Variants in TYK2 observed in about 807,000 individuals in gnomAD.
TYK2 encodes tyrosine kinase 2, also known as non-receptor tyrosine-protein kinase TYK2.
In TYK2, 65 loss-of-function variants were observed where a neutral mutation model predicts 130.9. The observed-to-expected ratio is 0.50, with a 90% CI of 0.41 to 0.61. The LOEUF is 0.61. Among genes scored for constraint, TYK2 ranks in the 20% least tolerant of loss-of-function variants. The probability of loss-of-function intolerance (pLI) is 0.00; values close to 1 mark genes in which losing one functional copy is unlikely to be tolerated. For missense variants in TYK2, 1,378 were observed against 1,610.7 expected (o/e 0.86, Z 2.47); for synonymous variants, 647 against 658.9 (o/e 0.98, Z 0.28).
intron 2 of TYK2, 115 bp from the exon 3 acceptor site, chr19:10,378,541 T>C: frequency 3.6e-6 from 3 of 828,170 alleles, no homozygotes; most frequent in African/African-American, 1.7e-5. Flanking sequence ...GGCTCCCATC[T>C]TGGCATGACA....
intron 7 of TYK2, 55 bp downstream of exon 7, chr19:10,365,462 G>A (rs948853037): frequency 5.6e-6 from 9 of 1,607,634 alleles, no homozygotes; most frequent in Non-Finnish European, 5.9e-6. Context: ...GATGAACACA[G>A]AAACCCACCC....
In TYK2 at chr19:10,353,676, G is replaced by A. The variant is rs2040931246; in HGVS notation, c.2909-30C>T. ...CGCGGAGAGGGGCGGCCCCGGTGGG[G>A]GACGATAGAGGGCGGGCCGGGGACC... On this transcript the variant is annotated intron_variant, in intron 20 of 24. Transcript: ENST00000525621. The surrounding 1 kb of genome is among the most constrained non-coding windows in gnomAD (Gnocchi z 6.9). 2 of 1,449,386 alleles carry A rather than the reference G, an allele frequency of 1.4e-6. No homozygotes were observed. Among genetic ancestry groups the A allele is most frequent in the Non-Finnish European group, 1.8e-6 (2 of 1,092,054 alleles). 89.8% of individuals were successfully genotyped at this position (1,449,386 alleles called of 1,614,324 possible).
rs1269000315 is a variant in TYK2, at chr19:10,359,221, C to T, written c.2129G>A (p.Trp710Ter). 6.2e-7 allele frequency: 1 copy of T among 1,609,108 alleles called. No individual in the cohort carries two copies. Among genetic ancestry groups the T allele is most frequent in the East Asian group, 2.2e-5 (1 of 44,880 alleles). ...CAGCTGCTGGGCCACCACCATCTTC[C>T]AAGCCATGGGCACATGGCCCCGCTC... Reference protein sequence around the residue: ...RRERGHVPMAWKMVVAQQLAS... With the variant: ...RRERGHVPMA Residue 710 changes from tryptophan to a stop codon, truncating the protein, a stop_gained, in exon 15 of 25, where the codon TGG (tryptophan) becomes TAG (stop). Coordinates refer to ENST00000525621, the MANE Select transcript of TYK2 (RefSeq NM_003331.5). LOFTEE classifies it high-confidence loss of function.
chr19:10,354,292 A>G (rs2040970774), intron 19 of TYK2, 58 bp from the exon 20 acceptor site: 2 of 1,580,712 alleles, frequency 1.3e-6, no homozygotes, highest in Non-Finnish European at 1.7e-6. Context: ...CCACTCCCCA[A>G]CCCCCGATTT....
rs2041151624 is a variant in TYK2 at position 10,357,360 on chromosome 19, G to T, written c.2466+404C>A. 4 of 626,004 alleles carry T rather than the reference G, an allele frequency of 6.4e-6. No individual in the cohort carries two copies. The Admixed American group carries it at 7.6e-5, about 12-fold the overall frequency. 38.8% of individuals were successfully genotyped at this position (626,004 alleles called of 1,614,324 possible). ...GCTGAGATCACGCCATTGCATTCCA[G>T]CCTGGGCAATTAGAGTGGAACTTCG... On this transcript the variant is annotated intron_variant, in intron 17 of 24. Transcript: ENST00000525621.
In TYK2 at chr19:10,360,791, C is replaced by T. The variant is rs532710505; in HGVS notation, c.2047+720G>A. Reference sequence around the variant, plus strand: ...TTTTTGAGACAGAGTCTCGCCCTGTCGCCCAGGCTGGAGTGCAGTGGTACA... The same window carrying T: ...TTTTTGAGACAGAGTCTCGCCCTGTTGCCCAGGCTGGAGTGCAGTGGTACA... On this transcript the variant is annotated intron_variant, in intron 14 of 24. Coordinates refer to ENST00000525621, the MANE Select transcript of TYK2 (RefSeq NM_003331.5). 9.9e-5 allele frequency among the ~76,000 whole-genome samples: 15 copies of T among 152,068 alleles called. No individual in the cohort carries two copies. In the East Asian group the frequency reaches 2.7e-3, roughly 27 times the overall value.
At position 10,364,150 on chromosome 19, in the gene TYK2, C is replaced by G. The variant is rs1179737378; in HGVS notation, c.1367+464G>C. Among the ~76,000 whole-genome samples, 2 of 152,224 alleles carry G rather than the reference C, an allele frequency of 1.3e-5. No homozygotes were observed. The highest frequency in any genetic ancestry group is 4.8e-5 in the African/African-American group (2 of 41,464). The stretch of plus-strand genomic sequence containing the variant: ...CATCCAACATACGCCTGAATGGTCA[C>G]CAGCGTCAGGGTAACACACAGTCCC... On this transcript the variant is annotated intron_variant, in intron 9 of 24. Coordinates refer to ENST00000525621, the MANE Select transcript of TYK2 (RefSeq NM_003331.5). The surrounding 1 kb of genome is among the most constrained non-coding windows in gnomAD (Gnocchi z 4.9).
At position 10,350,962 on chromosome 19, in the gene TYK2, G is replaced by A; in HGVS notation, c.3436C>T (p.His1146Tyr). 1 of 1,614,190 alleles carries A rather than the reference G, an allele frequency of 6.2e-7. No individual in the cohort carries two copies. Among genetic ancestry groups the A allele is most frequent in the Non-Finnish European group, 8.5e-7 (1 of 1,180,036 alleles). The change falls in exon 25 of 25, where the codon CAT becomes TAT. Residue 1146 changes from histidine (H) to tyrosine (Y), a missense_variant. Transcript: ENST00000525621. ...GTCTCCCAGCAGTTCTTCATGAGAT[G>A]ATAGACCTAGAAGGAAAAACCAGGG... is the stretch of plus-strand genomic sequence containing the variant. ...RPDKCPCEVY[H>Y]LMKNCWETEA...
chr19:10,354,083 T>C lies in TYK2; in HGVS notation c.2867A>G (p.His956Arg), dbSNP rs536463214. Reference sequence around the variant, plus strand: ...GCCCTTGTACTTGATGATGTGCTCGTGGTAGAGCGTGCGCAGAATGTCAAT... The same window carrying C: ...GCCCTTGTACTTGATGATGTGCTCGCGGTAGAGCGTGCGCAGAATGTCAAT... ...QEIDILRTLY[H>R]EHIIKYKGCC... is the part of the protein sequence containing the mutation. The change falls in exon 20 of 25, where the codon CAC (histidine) becomes CGC (arginine). Residue 956 changes from histidine (H) to arginine (R), a missense_variant. By Grantham distance (29) the His-to-Arg change is conservative. Coordinates refer to ENST00000525621, the MANE Select transcript of TYK2 (RefSeq NM_003331.5). 6.2e-7 allele frequency: 1 copy of C among 1,614,074 alleles called. No individual in the cohort carries two copies. Among genetic ancestry groups the C allele is most frequent in the African/African-American group, 1.3e-5 (1 of 75,046 alleles).
chr19:10,377,567 G>A (rs1599368312), intron 3 of TYK2, among the ~76,000 whole-genome samples: 1 of 116,196 alleles, frequency 8.6e-6, no homozygotes, highest in East Asian at 2.8e-4. Context: ...TGGATGGATG[G>A]GTGGGTGGGT....
rs12720298 is a variant in TYK2, at chr19:10,358,156, G to C, written c.2176-18C>G. 4.9e-3 allele frequency: 7,841 copies of C among 1,596,398 alleles called. 328 individuals carry two copies. The African/African-American group carries it at 0.091, about 19-fold the overall frequency. ...TTGTTCTCCTGAGGTGGGCAGGAGAGGGGGTGTGGCCACTCAGGAGAGGCA... is the reference window on the plus strand; with the variant it reads ...TTGTTCTCCTGAGGTGGGCAGGAGACGGGGTGTGGCCACTCAGGAGAGGCA... On this transcript the variant is annotated intron_variant, in intron 15 of 24. Coordinates refer to ENST00000525621, the MANE Select transcript of TYK2 (RefSeq NM_003331.5).
chr19:10,354,023 C>T lies in TYK2; in HGVS notation c.2908+19G>A. On this transcript the variant is annotated intron_variant, in intron 20 of 24. Transcript: ENST00000525621. ...ACCACGCCCCCTCAAGTCTCTAGGA[C>T]TCGCCGGGTCCCGCCCACCTTGGTC... 4 of 1,613,574 alleles carry T rather than the reference C, an allele frequency of 2.5e-6. No individual in the cohort carries two copies. The highest frequency in any genetic ancestry group is 3.4e-6 in the Non-Finnish European group (4 of 1,179,754).
Position 10,353,539 on chromosome 19 carries a change from G to T in TYK2, c.3016C>A (p.Gln1006Lys). 6.7e-7 allele frequency: 1 copy of T among 1,499,284 alleles called. No homozygotes were observed. The allele number at this position is 1,499,284 out of a possible 1,614,324, so 92.9% of individuals were successfully genotyped here. A position where few individuals can be genotyped will look rare whatever the true frequency, so the allele number is the denominator to read the frequency against. The change falls in exon 21 of 25, where the codon CAG becomes AAG. Residue 1006 changes from glutamine to lysine, a missense_variant. Gln to Lys is a moderately conservative substitution (Grantham distance 53, BLOSUM62 1). Transcript: ENST00000525621. This position sits in a 1 kb window ranked among gnomAD's most constrained non-coding sequence, Gnocchi z 6.9. ...GLAQLLLFAQ[Q>K]ICEGMAYLHA... ...CGGGGCCGACCAACCTCGCAGATCT[G>T]CTGGGCGAAGAGCAGCAGCTGGGCC...
intron 5 of TYK2, among the ~76,000 whole-genome samples, 189 bp from the exon 6 acceptor site, chr19:10,366,769 G>T (rs1056175977): frequency 1.3e-5 from 2 of 151,760 alleles, no homozygotes; most frequent in African/African-American, 4.8e-5. Flanking sequence ...CGCAAGCCGG[G>T]CATGGTGGCT....
chr19:10,354,590 A>G lies in TYK2; in HGVS notation c.2637T>C (p.Thr879=), dbSNP rs2145158619. The G allele has an allele frequency of 6.2e-7, 1 of 1,614,046 alleles. No individual in the cohort carries two copies. Among genetic ancestry groups the G allele is most frequent in the Non-Finnish European group, 8.5e-7 (1 of 1,180,016 alleles). The change falls in exon 19 of 25, where the codon ACT becomes ACC. Residue 879 remains threonine, a synonymous_variant. Coordinates refer to ENST00000525621, the MANE Select transcript of TYK2 (RefSeq NM_003331.5). ...LQPHNLADVL[T]VNPDSPASDP... The stretch of plus-strand genomic sequence containing the variant: ...CCGACGCCGGTGAGTCCGGGTTCAC[A>G]GTCAAGACGTCAGCAAGATCTGGAA...
Position 10,365,473 on chromosome 19 carries a change from C to G in TYK2, c.1011+44G>C, listed in dbSNP as rs370409536. On this transcript the variant is annotated intron_variant, in intron 7 of 24. Transcript: ENST00000525621. ...CAAGGATGAACACAGAAACCCACCC[C>G]AGCCCAACCTGAACCCCCAGGGCGG... 4.3e-5 allele frequency: 70 copies of G among 1,610,282 alleles called. No individual in the cohort carries two copies. The African/African-American group carries it at 8.8e-4, about 20-fold the overall frequency.
chr19:10,351,407 A>C (rs1354115962), intron 23 of TYK2: 1 of 419,154 alleles, frequency 2.4e-6, no homozygotes, highest in Non-Finnish European at 4.5e-6. Flanking sequence ...GGATCGTCTG[A>C]ACCTGGGAGG....
rs575232937 is a variant in TYK2 at position 10,350,720 on chromosome 19, G to A, written c.*114C>T. 332 of 1,296,952 alleles carry A rather than the reference G, an allele frequency of 2.6e-4. 3 individuals carry two copies. The Admixed American group carries it at 5.0e-3, about 19-fold the overall frequency. 80.3% of individuals were successfully genotyped at this position (1,296,952 alleles called of 1,614,324 possible). On this transcript the variant is annotated 3_prime_UTR_variant, in exon 25 of 25. Coordinates refer to ENST00000525621, the MANE Select transcript of TYK2 (RefSeq NM_003331.5). The stretch of plus-strand genomic sequence containing the variant: ...GTCTCTAGACAGGAGTAAGGCACAC[G>A]GTGTGGGTGAGGCTGACATCCCCCT...
intron 19 of TYK2, 37 bp downstream of exon 19, chr19:10,354,475 C>G: frequency 4.4e-6 from 7 of 1,585,774 alleles, no homozygotes; most frequent in Non-Finnish European, 6.1e-6. Context: ...CCTTCCCGAC[C>G]AGGCGGGCCT....
Sources: allele counts gnomAD v4.1 joint callset (sites outside exome capture counted in the v4.1 genomes callset), GRCh38; gene constraint gnomAD v4.1.1; non-coding constraint Gnocchi (gnomAD v3.1); transcripts MANE v1.5; gene names NCBI Gene and HGNC (gene_info 2026-07-23, HGNC 2026-07-21).